ANPEP: variants seen among roughly 807,000 people sequenced by gnomAD.
ANPEP encodes the protein aminopeptidase N.
Under a neutral mutation model 114.6 loss-of-function variants are expected in ANPEP, and 70 were observed. The ratio of observed to expected loss-of-function variants is 0.61; its 90% confidence interval spans 0.50 to 0.75. The LOEUF (loss-of-function observed/expected upper bound fraction) is 0.75, where lower values mean the gene tolerates loss of function less well. ANPEP is among the 30% of genes least tolerant of loss of function. The pLI is 0.00. For missense variants in ANPEP, 1,184 were observed against 1,259.5 expected, an observed-to-expected ratio of 0.94 and a Z score of 0.91; for synonymous variants, 548 against 522.3, an observed-to-expected ratio of 1.05 and a Z score of -0.67.
chr15:89,805,217 C>A lies in ANPEP; in HGVS notation c.758G>T (p.Gly253Val). The A allele has an allele frequency of 1.2e-6, 2 of 1,614,176 alleles. No individual in the cohort carries two copies. Among genetic ancestry groups the A allele is most frequent in the Non-Finnish European group, 1.7e-6 (2 of 1,180,034 alleles). Residue 253 changes from glycine to valine, a missense_variant and splice_region_variant, in exon 4 of 21, where the codon GGT becomes GTT. Coordinates refer to ENST00000300060, the MANE Select transcript of ANPEP (RefSeq NM_001150.3). ...GTCTTCTGGAAGTGGGGTGCTGGGA[C>A]CTGGGCAGGGAGCATGTGTGTGTGA... Reference protein sequence around the residue: ...LTALSNMLPKGPSTPLPEDPN... With the variant: ...LTALSNMLPKVPSTPLPEDPN...
In ANPEP at chr15:89,792,447, C is replaced by A. The variant is rs1309924025; in HGVS notation, c.2360+5G>T. 1 of 1,614,018 alleles carries A rather than the reference C, an allele frequency of 6.2e-7. No individual in the cohort carries two copies. The highest frequency in any genetic ancestry group is 1.7e-5 in the Admixed American group (1 of 60,024). ...TGGCAGAGGAGGCGCAGGGGAGACA[C>A]TCACGGGTTATTATTGGGGTTCTCC... On this transcript the variant is annotated splice_donor_5th_base_variant and intron_variant, in intron 17 of 20. Transcript: ENST00000300060.
intron 1 of ANPEP, among the ~76,000 whole-genome samples, chr15:89,809,663 G>A (rs1371817793): frequency 7.2e-5 from 11 of 152,312 alleles, no homozygotes; most frequent in Non-Finnish European, 2.9e-5. Flanking sequence ...TCGGGCAGTG[G>A]CGGCTATGCT....
At chr15:89,791,843 G>A (rs1163383658) in intron 18 of ANPEP, among the ~76,000 whole-genome samples, 1 of 152,032 alleles carries the variant, frequency 6.6e-6, no homozygotes, top group East Asian at 1.9e-4. Context: ...TTGAGGGGGT[G>A]CCCAGCTGGA....
At position 89,799,355 on chromosome 15, in the gene ANPEP, T is replaced by C. The variant is rs757857556; in HGVS notation, c.1954-40A>G. On this transcript the variant is annotated intron_variant, in intron 13 of 20. Coordinates refer to ENST00000300060, the MANE Select transcript of ANPEP (RefSeq NM_001150.3). The surrounding 1 kb of genome is among the most constrained non-coding windows in gnomAD (Gnocchi z 4.2). Reference sequence around the variant, plus strand: ...ACAGCATGTGACCATGGGTTGGCTGTGGGTGGCAGGCCTTGCAGTCTGGTG... The same window carrying C: ...ACAGCATGTGACCATGGGTTGGCTGCGGGTGGCAGGCCTTGCAGTCTGGTG... 3.7e-6 allele frequency: 6 copies of C among 1,614,026 alleles called. No individual in the cohort carries two copies. The African/African-American group carries it at 6.7e-5, about 18-fold the overall frequency.
At chr15:89,797,790 A>G (rs1968758811) in intron 14 of ANPEP, 68 bp from the exon 15 acceptor site, 17 of 1,595,370 alleles carry the variant, frequency 1.1e-5, no homozygotes, top group Non-Finnish European at 1.4e-5. Context: ...GGGAACCCCA[A>G]CCCAGGCCCT....
In ANPEP at chr15:89,803,270, ATGG is replaced by A. The variant is rs752073607; in HGVS notation, c.1535_1537del (p.Thr512del). 1 of 1,614,044 alleles carries A rather than the reference ATGG, an allele frequency of 6.2e-7. No individual in the cohort carries two copies. ...CAGGTGGTCCCACAGGTTCAGGTAG[ATGG>A]TGTTCTGGTAGGCAAAGGTGTGGAG... On this transcript the variant is annotated inframe_deletion, in exon 10 of 21. Coordinates refer to ENST00000300060, the MANE Select transcript of ANPEP (RefSeq NM_001150.3). This position sits in a 1 kb window ranked among gnomAD's most constrained non-coding sequence, Gnocchi z 4.2.
chr15:89,786,451 AC>A (rs1968509278), intron 20 of ANPEP, among the ~76,000 whole-genome samples: 1 of 147,438 alleles, frequency 6.8e-6, no homozygotes, highest in South Asian at 2.1e-4. Context: ...ATTGCAAGGG[AC>A]CCAGAATAGC....
At chr15:89,792,660 C>A in intron 16 of ANPEP, 98 bp from the exon 17 acceptor site, 1 of 1,100,406 alleles carries the variant, frequency 9.1e-7, no homozygotes, top group South Asian at 1.3e-5. Context: ...GCCTAAGGCT[C>A]TGTGGCCTAA....
rs1894537888 is a variant in ANPEP at position 89,799,362 on chromosome 15, C to T, written c.1954-47G>A. 1 of 1,613,996 alleles carries T rather than the reference C, an allele frequency of 6.2e-7. No individual in the cohort carries two copies. Among genetic ancestry groups the T allele is most frequent in the Non-Finnish European group, 8.5e-7 (1 of 1,179,996 alleles). Reference sequence around the variant, plus strand: ...GTGACCATGGGTTGGCTGTGGGTGGCAGGCCTTGCAGTCTGGTGCCTGTCC... The same window carrying T: ...GTGACCATGGGTTGGCTGTGGGTGGTAGGCCTTGCAGTCTGGTGCCTGTCC... On this transcript the variant is annotated intron_variant, in intron 13 of 20. Transcript: ENST00000300060. The surrounding 1 kb of genome is among the most constrained non-coding windows in gnomAD (Gnocchi z 4.2).
At position 89,790,551 on chromosome 15, in the gene ANPEP, G is replaced by A. The variant is rs1326135491; in HGVS notation, c.2670-10C>T. On this transcript the variant is annotated splice_polypyrimidine_tract_variant and intron_variant, in intron 19 of 20. Transcript: ENST00000300060. ...CGAGCCACCACCATAACTGCAGGGA[G>A]GGAGAGAGGTGAACTGTGAGGGAGG... 6.2e-7 allele frequency: 1 copy of A among 1,612,302 alleles called. No homozygotes were observed. The highest frequency in any genetic ancestry group is 1.3e-5 in the African/African-American group (1 of 74,892).
chr15:89,806,325 C>A lies in ANPEP; in HGVS notation c.259G>T (p.Val87Leu). ...GGGGTGAGGTACGGTCTCAGCGTCA[C>A]CCGGTAGGAATCGGGTTTCAGCGTG... ...PNTLKPDSYR[V>L]TLRPYLTPND... Residue 87 changes from valine to leucine, a missense_variant, in exon 2 of 21, where the codon GTG becomes TTG. Val to Leu is a conservative substitution (Grantham distance 32). Transcript: ENST00000300060. The surrounding 1 kb of genome is among the most constrained non-coding windows in gnomAD (Gnocchi z 5.7). The A allele has an allele frequency of 1.2e-6, 2 of 1,614,136 alleles. No individual in the cohort carries two copies. Among genetic ancestry groups the A allele is most frequent in the Non-Finnish European group, 8.5e-7 (1 of 1,180,014 alleles).
chr15:89,810,511 C>CA (rs1223312935), intron 1 of ANPEP, among the ~76,000 whole-genome samples: 3 of 151,892 alleles, frequency 2.0e-5, no homozygotes, highest in African/African-American at 7.3e-5. Context: ...GTGGAGGTTG[C>CA]AGTGGGCGGA....
At chr15:89,811,202 G>A (rs1242398450) in intron 1 of ANPEP, among the ~76,000 whole-genome samples, 1 of 152,186 alleles carries the variant, frequency 6.6e-6, no homozygotes, top group Non-Finnish European at 1.5e-5. Context: ...GGGCTTCTGG[G>A]CTGTGCACAA....
chr15:89,804,724 G>A (rs1190142791), intron 4 of ANPEP, 107 bp from the exon 5 acceptor site: 40 of 1,461,490 alleles, frequency 2.7e-5, no homozygotes, highest in Non-Finnish European at 3.6e-5. Context: ...ATGGGCCAGG[G>A]CTGGAGGCCA....
At chr15:89,787,399 T>C (rs1968528047) in intron 20 of ANPEP, among the ~76,000 whole-genome samples, 1 of 152,214 alleles carries the variant, frequency 6.6e-6, no homozygotes, top group South Asian at 2.1e-4. Flanking sequence ...GAAAAATTTT[T>C]TTGAAATAAA....
At position 89,797,656 on chromosome 15, in the gene ANPEP, G is replaced by A. The variant is rs146860954; in HGVS notation, c.2076C>T (p.Tyr692=). The change falls in exon 15 of 21, where the codon TAC becomes TAT. Residue 692 remains tyrosine, a synonymous_variant. Transcript: ENST00000300060. ...NTLFLIEERQ[Y]MPWEAALSSL... ...TGCTCAGGGCGGCCTCCCAGGGCATGTACTGTCTCTCTTCAATCAGGAAGA... is the reference window on the plus strand; with the variant it reads ...TGCTCAGGGCGGCCTCCCAGGGCATATACTGTCTCTCTTCAATCAGGAAGA... 6.2e-7 allele frequency: 1 copy of A among 1,614,160 alleles called. No individual in the cohort carries two copies. Among genetic ancestry groups the A allele is most frequent in the African/African-American group, 1.3e-5 (1 of 75,024 alleles).
chr15:89,787,799 C>T (rs889601083), intron 20 of ANPEP, among the ~76,000 whole-genome samples: 3 of 152,046 alleles, frequency 2.0e-5, no homozygotes, highest in Non-Finnish European at 4.4e-5. Context: ...GACCCTCTCT[C>T]GAAAAGAAAA....
rs1204718366 is a variant in ANPEP at position 89,807,170 on chromosome 15, T to G, written c.-223-364A>C. Among the ~76,000 whole-genome samples the G allele has an allele frequency of 3.9e-5, 6 of 152,276 alleles. No individual in the cohort carries two copies. In the East Asian group the frequency reaches 1.2e-3, roughly 29 times the overall value. ...AGCAGGGAGTTCCTCCAGGTTCCCCTCCCTGCCGCTTCTTGCCAAATACTT... is the reference window on the plus strand; with the variant it reads ...AGCAGGGAGTTCCTCCAGGTTCCCCGCCCTGCCGCTTCTTGCCAAATACTT... On this transcript the variant is annotated intron_variant, in intron 1 of 20. Transcript: ENST00000300060.
intron 14 of ANPEP, among the ~76,000 whole-genome samples, chr15:89,797,942 C>G (rs897933526): frequency 1.3e-5 from 2 of 152,240 alleles, no homozygotes; most frequent in African/African-American, 4.8e-5. Flanking sequence ...AGGCCCCACC[C>G]TCACCCATTG....
Sources: allele counts gnomAD v4.1 joint callset (sites outside exome capture counted in the v4.1 genomes callset), GRCh38; gene constraint gnomAD v4.1.1; non-coding constraint Gnocchi (gnomAD v3.1); transcripts MANE v1.5; gene names NCBI Gene and HGNC (gene_info 2026-07-23, HGNC 2026-07-21).